REDIC1: variants seen among roughly 807,000 people sequenced by gnomAD.
The protein encoded by REDIC1 is HEI10 Interacting Protein 1.
At chr12:39,706,483 A>G in the REDIC1 span, among the ~76,000 whole-genome samples, 2 of 152,066 alleles carry the variant, frequency 1.3e-5, no homozygotes, top group African/African-American at 4.8e-5. Flanking sequence ...ACCATAAAAG[A>G]CCAAGAATAG....
the REDIC1 span, among the ~76,000 whole-genome samples, chr12:39,895,412 C>T: frequency 6.8e-6 from 1 of 146,718 alleles, no homozygotes; most frequent in South Asian, 2.2e-4. Flanking sequence ...ATGGCCTGAA[C>T]CTGGGAGGTG....
the REDIC1 span, among the ~76,000 whole-genome samples, chr12:39,711,525 ATG>A: frequency 1.2e-3 from 162 of 131,224 alleles, 6 homozygotes; most frequent in East Asian, 0.034. Context: ...ATATGTGTAT[ATG>A]TGTATATACA....
chr12:39,694,939 G>C, the REDIC1 span, among the ~76,000 whole-genome samples: 57 of 152,178 alleles, frequency 3.7e-4, no homozygotes, highest in African/African-American at 1.3e-3. Context: ...ACTGGTCAGA[G>C]TCATGATGCC....
the REDIC1 span, among the ~76,000 whole-genome samples, chr12:39,702,686 T>C: frequency 6.6e-6 from 1 of 152,172 alleles, no homozygotes; most frequent in Non-Finnish European, 1.5e-5. Context: ...AAATCCTCAA[T>C]AAAATACTGG....
chr12:39,879,877 T>C, the REDIC1 span, among the ~76,000 whole-genome samples: 1 of 152,138 alleles, frequency 6.6e-6, no homozygotes, highest in African/African-American at 2.4e-5. Flanking sequence ...GTTTGGATAT[T>C]TGTCCCCATG....
At chr12:39,899,657 T>C in the REDIC1 span, among the ~76,000 whole-genome samples, 1 of 152,172 alleles carries the variant, frequency 6.6e-6, no homozygotes, top group Non-Finnish European at 1.5e-5. Context: ...TTTGAATGTG[T>C]CCCAGAGATT....
the REDIC1 span, among the ~76,000 whole-genome samples, chr12:39,627,464 T>C: frequency 2.0e-5 from 3 of 152,216 alleles, no homozygotes; most frequent in African/African-American, 4.8e-5. Flanking sequence ...AAAATGTAGA[T>C]GTTGCTATTA....
At chr12:39,699,482 G>A in the REDIC1 span, among the ~76,000 whole-genome samples, 46 of 152,198 alleles carry the variant, frequency 3.0e-4, no homozygotes, top group African/African-American at 9.6e-4. Flanking sequence ...TGCTAGCACA[G>A]CAGTCTGAGA....
the REDIC1 span, chr12:39,830,534 A>T: frequency 9.6e-7 from 1 of 1,044,890 alleles, no homozygotes; most frequent in Non-Finnish European, 1.2e-6. Flanking sequence ...TTGCTTTCCT[A>T]AACCACTGAG....
At chr12:39,665,175 A>G in the REDIC1 span, among the ~76,000 whole-genome samples, 1 of 151,978 alleles carries the variant, frequency 6.6e-6, no homozygotes, top group African/African-American at 2.4e-5. Context: ...GGTATTGCCT[A>G]GGTTTTCTTC....
chr12:39,891,911 A>T, the REDIC1 span, among the ~76,000 whole-genome samples: 1 of 152,142 alleles, frequency 6.6e-6, no homozygotes, highest in African/African-American at 2.4e-5. Flanking sequence ...TGGTTTTTCT[A>T]AAAAAATTAT....
chr12:39,644,977 T>A, the REDIC1 span, among the ~76,000 whole-genome samples: 1 of 151,912 alleles, frequency 6.6e-6, no homozygotes, highest in Non-Finnish European at 1.5e-5. Context: ...CCTCAAGAAG[T>A]ATGATTGGAT....
chr12:39,779,718 C>A, the REDIC1 span, among the ~76,000 whole-genome samples: 15 of 152,284 alleles, frequency 9.9e-5, no homozygotes, highest in South Asian at 2.1e-3. Context: ...TAATTTAAAA[C>A]GTGACTGTCT....
At chr12:39,900,601 G>C in the REDIC1 span, among the ~76,000 whole-genome samples, 1 of 152,062 alleles carries the variant, frequency 6.6e-6, no homozygotes, top group East Asian at 1.9e-4. Flanking sequence ...GCTTCAAAGA[G>C]AATAAAATAC....
the REDIC1 span, among the ~76,000 whole-genome samples, chr12:39,695,877 C>T: frequency 2.0e-5 from 3 of 152,156 alleles, no homozygotes; most frequent in African/African-American, 7.2e-5. Flanking sequence ...TGTCCCTCCA[C>T]CCTTAGCTTC....
chr12:39,670,303 G>A, the REDIC1 span, among the ~76,000 whole-genome samples: 7 of 152,142 alleles, frequency 4.6e-5, no homozygotes, highest in Admixed American at 3.9e-4. Flanking sequence ...CAATTCTTGT[G>A]CCTCAGCCTC....
the REDIC1 span, among the ~76,000 whole-genome samples, chr12:39,644,691 A>C: frequency 6.6e-6 from 1 of 151,820 alleles, no homozygotes; most frequent in African/African-American, 2.4e-5. Flanking sequence ...TTGTTCATGG[A>C]TTTTGAGAAT....
At chr12:39,882,611 C>A in the REDIC1 span, among the ~76,000 whole-genome samples, 453 of 152,272 alleles carry the variant, frequency 3.0e-3, 4 homozygotes, top group Non-Finnish European at 5.1e-3. Context: ...GTCTATGCAG[C>A]CTCAGGTGAA....
chr12:39,863,260 G>A, the REDIC1 span, among the ~76,000 whole-genome samples: 2 of 152,134 alleles, frequency 1.3e-5, no homozygotes, highest in Admixed American at 6.5e-5. Flanking sequence ...ATAAACTGCT[G>A]TGCAGTGAGA....
Sources: allele counts gnomAD v4.1 joint callset (sites outside exome capture counted in the v4.1 genomes callset), GRCh38; gene constraint gnomAD v4.1.1; transcripts MANE v1.5; gene names NCBI Gene and HGNC (gene_info 2026-07-23, HGNC 2026-07-21).